NLRP7: variants seen among roughly 807,000 people sequenced by gnomAD.
NLRP7 encodes the protein NACHT, LRR and PYD domains-containing protein 7.
A neutral mutation model predicts 85.5 loss-of-function variants in NLRP7; 72 were observed. The observed-to-expected ratio is 0.84, with a 90% CI of 0.70 to 1.02. NLRP7 has a LOEUF of 1.02. Among genes scored for constraint, NLRP7 ranks in the 50% least tolerant of loss-of-function variants. The pLI is 0.00. For synonymous variants in NLRP7, 550 were observed against 505.2 expected (o/e 1.09, Z -1.19); for missense variants, 1,243 against 1,219.5 (o/e 1.02, Z -0.29).
intron 1 of NLRP7, among the ~76,000 whole-genome samples, chr19:54,957,251 C>T (rs1028507110): frequency 1.3e-5 from 2 of 151,706 alleles, no homozygotes; most frequent in African/African-American, 4.8e-5. Context: ...AAACTCCCGA[C>T]GTCAGGTGAT....
intron 5 of NLRP7, among the ~76,000 whole-genome samples, chr19:54,937,724 C>A (rs1196142485): frequency 6.6e-6 from 1 of 151,862 alleles, no homozygotes; most frequent in Non-Finnish European, 1.5e-5. Context: ...ACGGTGAAAA[C>A]CTGTCTGTGC....
chr19:54,936,978 C>T (rs1384551813), intron 5 of NLRP7, among the ~76,000 whole-genome samples: 5 of 150,612 alleles, frequency 3.3e-5, no homozygotes, highest in South Asian at 2.1e-4. Flanking sequence ...TTTGGGAGGC[C>T]GAGGCCGAGG....
chr19:54,940,304 T>C, exon 4 of NLRP7: 1 of 1,614,194 alleles, frequency 6.2e-7, no homozygotes, highest in Non-Finnish European at 8.5e-7. Context: ...CACCACCGTG[T>C]AAGGTGTTAG....
rs370992752 is a variant in NLRP7, at chr19:54,934,187, C to G, written c.2471+302G>C. Among the ~76,000 whole-genome samples the G allele has an allele frequency of 4.6e-5, 7 of 152,160 alleles. No homozygotes were observed. Among genetic ancestry groups the G allele is most frequent in the Non-Finnish European group, 1.0e-4 (7 of 68,034 alleles). On this transcript the variant is annotated intron_variant, in intron 7 of 9. Coordinates refer to ENST00000340844, the Ensembl canonical transcript of NLRP7. This position sits in a 1 kb window ranked among gnomAD's most constrained non-coding sequence, Gnocchi z 6.7. ...CGATCTCTTGACCTCGTGATCTCCCCGCCTTGGCCTCCCAACGTGCTGGGA... is the reference window on the plus strand; with the variant it reads ...CGATCTCTTGACCTCGTGATCTCCCGGCCTTGGCCTCCCAACGTGCTGGGA...
intron 1 of NLRP7, among the ~76,000 whole-genome samples, chr19:54,942,255 CAAAA>C (rs576434793): frequency 0.03 from 1,757 of 59,268 alleles, 3 homozygotes; most frequent in Middle Eastern, 0.045. Flanking sequence ...GACTCCGTCT[CAAAA>C]AAAAAAAAAA....
At chr19:54,930,384 C>G (rs936908279) in intron 9 of NLRP7, 115 bp downstream of exon 9, 3 of 739,636 alleles carry the variant, frequency 4.1e-6, no homozygotes, top group Admixed American at 2.0e-5. Context: ...ACCGATCAAG[C>G]CTGGAAGACC....
At position 54,934,163 on chromosome 19, in the gene NLRP7, G is replaced by A. The variant is rs938937708; in HGVS notation, c.2471+326C>T. Among the ~76,000 whole-genome samples the A allele has an allele frequency of 2.0e-5, 3 of 152,038 alleles. No individual in the cohort carries two copies. Among genetic ancestry groups the A allele is most frequent in the Admixed American group, 6.6e-5 (1 of 15,258 alleles). On this transcript the variant is annotated intron_variant, in intron 7 of 9. Coordinates refer to ENST00000340844, the Ensembl canonical transcript of NLRP7. This position sits in a 1 kb window ranked among gnomAD's most constrained non-coding sequence, Gnocchi z 6.7. Reference sequence around the variant, plus strand: ...TCACCATGTTAGCCAGGATGGTCTCGATCTCTTGACCTCGTGATCTCCCCG... The same window carrying A: ...TCACCATGTTAGCCAGGATGGTCTCAATCTCTTGACCTCGTGATCTCCCCG...
intron 1 of NLRP7, among the ~76,000 whole-genome samples, chr19:54,957,248 C>T (rs1056876062): frequency 3.3e-5 from 5 of 149,962 alleles, no homozygotes; most frequent in Admixed American, 6.7e-5. Context: ...CTCAAACTCC[C>T]GACGTCAGGT....
chr19:54,939,293 C>A (rs2069093525), exon 4 of NLRP7: 2 of 1,614,000 alleles, frequency 1.2e-6, no homozygotes. Flanking sequence ...GTTCTTGAGT[C>A]TTTCTTCTCC....
intron 9 of NLRP7, among the ~76,000 whole-genome samples, chr19:54,924,220 G>A (rs1484241464): frequency 6.6e-6 from 1 of 152,036 alleles, no homozygotes; most frequent in South Asian, 2.1e-4. Context: ...CATCCACCTC[G>A]GCCTCCCAAA....
intron 8 of NLRP7, among the ~76,000 whole-genome samples, chr19:54,931,388 C>G (rs2068670642): frequency 6.6e-6 from 1 of 152,022 alleles, no homozygotes; most frequent in African/African-American, 2.4e-5. Flanking sequence ...GAAACCCCAT[C>G]TTTACTAAAT....
chr19:54,933,538 G>A, intron 8 of NLRP7, 31 bp downstream of exon 8: 2 of 1,587,230 alleles, frequency 1.3e-6, no homozygotes, highest in African/African-American at 1.3e-5. Context: ...GAATTCATGT[G>A]CACACACACA....
At chr19:54,941,627 A>C (rs145237627) in exon 2 of NLRP7, 96 of 1,613,932 alleles carry the variant, frequency 5.9e-5, no homozygotes, top group Non-Finnish European at 8.0e-5. Context: ...AAAGCCCATA[A>C]AAGGGATTTG....
intron 1 of NLRP7, among the ~76,000 whole-genome samples, chr19:54,944,362 G>A (rs1195602489): frequency 1.3e-5 from 2 of 151,804 alleles, no homozygotes; most frequent in East Asian, 1.9e-4. Flanking sequence ...ATATGTTTAT[G>A]TATGAGCACA....
upstream of NLRP7, chr19:54,948,829 G>T (rs888060069): frequency 1.1e-4 from 17 of 152,754 alleles, no homozygotes; most frequent in African/African-American, 4.1e-4. Context: ...ATGAGCCACC[G>T]CACCTGGCCT....
intron 1 of NLRP7, among the ~76,000 whole-genome samples, chr19:54,962,661 G>A (rs1383519352): frequency 1.8e-4 from 27 of 148,950 alleles, no homozygotes; most frequent in Admixed American, 1.4e-3. Flanking sequence ...GTGCAGTGGC[G>A]CGATCTCAGC....
chr19:54,962,132 C>T (rs1602248904), intron 1 of NLRP7, among the ~76,000 whole-genome samples: 1 of 139,898 alleles, frequency 7.1e-6, no homozygotes, highest in East Asian at 2.1e-4. Context: ...CATTGCACTC[C>T]AGCCTGGGCG....
chr19:54,957,954 G>A (rs1022334047), intron 1 of NLRP7, among the ~76,000 whole-genome samples: 8 of 152,162 alleles, frequency 5.3e-5, no homozygotes, highest in African/African-American at 1.4e-4. Context: ...GGTGTCTCAC[G>A]CCTGTAATTC....
intron 1 of NLRP7, among the ~76,000 whole-genome samples, chr19:54,960,680 C>A (rs1431396703): frequency 1.3e-5 from 2 of 152,046 alleles, no homozygotes; most frequent in Non-Finnish European, 2.9e-5. Context: ...ACTGCAAGCT[C>A]CGCCTCCCGG....
Sources: gnomAD v4.1 joint callset for allele counts (sites outside exome capture counted in the v4.1 genomes callset) on GRCh38, gnomAD v4.1.1 for gene constraint, Gnocchi (gnomAD v3.1) non-coding constraint, MANE v1.5 for transcripts, NCBI Gene and HGNC (gene_info 2026-07-23, HGNC 2026-07-21) for gene names.